The following UGT1A9 variants were observed in gnomAD, a reference collection of about 807,000 sequenced individuals.
The protein encoded by UGT1A9 is UDP glucuronosyltransferase family 1 member A9.
Under a neutral mutation model 45.0 loss-of-function variants are expected in UGT1A9, and 35 were observed. The observed-to-expected ratio is 0.78, with a 90% confidence interval of 0.59 to 1.03. UGT1A9 has a LOEUF of 1.03. UGT1A9 is among the 50% of genes least tolerant of loss of function. UGT1A9 has a pLI of 0.00. For missense variants in UGT1A9, 687 were observed against 666.6 expected (o/e 1.03, Z -0.34); for synonymous variants, 278 against 250.6 (o/e 1.11, Z -1.03).
At chr2:233,764,025 G>T (rs1387179659) in intron 1 of UGT1A9, among the ~76,000 whole-genome samples, 1 of 152,188 alleles carries the variant, frequency 6.6e-6, no homozygotes, top group Non-Finnish European at 1.5e-5. Flanking sequence ...TGGTGTCTAA[G>T]TGCTAAAGAA....
At chr2:233,693,132 A>T in intron 1 of UGT1A9, 1 of 1,614,182 alleles carries the variant, frequency 6.2e-7, no homozygotes, top group Non-Finnish European at 8.5e-7. Flanking sequence ...CTTAGTATGA[A>T]GGATATAGTT....
chr2:233,747,506 A>G, intron 1 of UGT1A9: 1 of 1,608,324 alleles, frequency 6.2e-7, no homozygotes, highest in Non-Finnish European at 8.5e-7. Flanking sequence ...GCCACACTCA[A>G]CTGTACTTTG....
chr2:233,707,201 CCTTTCCAT>C (rs2075948613), intron 1 of UGT1A9, among the ~76,000 whole-genome samples: 1 of 152,062 alleles, frequency 6.6e-6, no homozygotes, highest in South Asian at 2.1e-4. Flanking sequence ...CGTTCTATTC[CCTTTCCAT>C]CTTTTCTCTG....
chr2:233,676,664 T>A (rs2074367608), intron 1 of UGT1A9, among the ~76,000 whole-genome samples: 1 of 152,204 alleles, frequency 6.6e-6, no homozygotes, highest in African/African-American at 2.4e-5. Flanking sequence ...TTGGGCAGTT[T>A]CGAGCAGTCC....
At chr2:233,679,746 C>G (rs569652766) in intron 1 of UGT1A9, among the ~76,000 whole-genome samples, 1 of 152,186 alleles carries the variant, frequency 6.6e-6, no homozygotes, top group East Asian at 1.9e-4. Context: ...GTAAAACTAG[C>G]AAACCATCCT....
intron 1 of UGT1A9, chr2:233,729,486 G>A: frequency 6.2e-7 from 1 of 1,614,202 alleles, no homozygotes; most frequent in South Asian, 1.1e-5. Flanking sequence ...TGAACAATAT[G>A]TCTTTGGTCT....
chr2:233,746,760 G>A (rs1693469059), intron 1 of UGT1A9, among the ~76,000 whole-genome samples: 1 of 151,816 alleles, frequency 6.6e-6, no homozygotes, highest in South Asian at 2.1e-4. Context: ...AGATTAATTG[G>A]ATTGCTTAGT....
At chr2:233,718,658 G>A (rs3732218) in intron 1 of UGT1A9, 145,084 of 1,529,416 alleles carry the variant, frequency 0.095, 7,812 homozygotes, top group South Asian at 0.19. Flanking sequence ...ACGAAAGGCA[G>A]TTATAGATTA....
chr2:233,757,314 T>A (rs1406248640), intron 1 of UGT1A9, among the ~76,000 whole-genome samples: 1 of 20,476 alleles, frequency 4.9e-5, no homozygotes, highest in Non-Finnish European at 9.0e-5. Flanking sequence ...ACAGGGGGGC[T>A]GGGGCCCTGA....
intron 1 of UGT1A9, chr2:233,717,648 A>G (rs1403190472): frequency 5.0e-6 from 2 of 403,070 alleles, no homozygotes; most frequent in Non-Finnish European, 1.0e-5. Flanking sequence ...GGCGACCAGG[A>G]CAAGGAAGCA....
intron 1 of UGT1A9, among the ~76,000 whole-genome samples, chr2:233,727,126 AG>A (rs2077585315): frequency 1.3e-5 from 2 of 152,202 alleles, no homozygotes; most frequent in Non-Finnish European, 2.9e-5. Flanking sequence ...AGATTGGCAG[AG>A]GGGAACAAGA....
At chr2:233,751,615 T>C (rs531404071) in intron 1 of UGT1A9, among the ~76,000 whole-genome samples, 1 of 152,176 alleles carries the variant, frequency 6.6e-6, no homozygotes, top group Non-Finnish European at 1.5e-5. Flanking sequence ...TGGGAGGTGA[T>C]TGGATCATGT....
At chr2:233,757,710 G>A (rs942741461) in intron 1 of UGT1A9, among the ~76,000 whole-genome samples, 2 of 151,554 alleles carry the variant, frequency 1.3e-5, no homozygotes, top group Admixed American at 6.6e-5. Flanking sequence ...TTTGCTTCCC[G>A]GGAGGGTCCT....
chr2:233,683,676 C>T (rs45486299), intron 1 of UGT1A9, among the ~76,000 whole-genome samples: 4 of 152,170 alleles, frequency 2.6e-5, no homozygotes, highest in South Asian at 2.1e-4. Flanking sequence ...TCTTATTAAC[C>T]TTTATTCCTC....
intron 3 of UGT1A9, 51 bp from the exon 4 acceptor site, chr2:233,768,169 T>G: frequency 1.9e-6 from 3 of 1,613,804 alleles, no homozygotes; most frequent in Non-Finnish European, 2.5e-6. Context: ...TGTGTCCAGC[T>G]GTGAAACTCA....
chr2:233,682,243 G>A (rs200147039), intron 1 of UGT1A9: 3 of 1,614,068 alleles, frequency 1.9e-6, no homozygotes, highest in Non-Finnish European at 2.5e-6. Context: ...CGGCACCATT[G>A]CGAAGTGCAT....
chr2:233,735,194 G>A (rs1453877809), intron 1 of UGT1A9, among the ~76,000 whole-genome samples: 1 of 152,090 alleles, frequency 6.6e-6, no homozygotes, highest in Admixed American at 6.5e-5. Flanking sequence ...GAATCTAGGT[G>A]CTCCTGTATT....
chr2:233,713,457 C>T, intron 1 of UGT1A9: 1 of 1,614,142 alleles, frequency 6.2e-7, no homozygotes, highest in Non-Finnish European at 8.5e-7. Context: ...CCCCTTTCAC[C>T]TCTGCGCGGC....
chr2:233,674,533 G>T (rs1256226097), intron 1 of UGT1A9, among the ~76,000 whole-genome samples: 1 of 152,012 alleles, frequency 6.6e-6, no homozygotes, highest in Admixed American at 6.6e-5. Context: ...TCACCCAGAG[G>T]CCTTTAGAGA....
Sources: gnomAD v4.1 joint callset for allele counts (sites outside exome capture counted in the v4.1 genomes callset) on GRCh38, gnomAD v4.1.1 for gene constraint, MANE v1.5 for transcripts, NCBI Gene and HGNC (gene_info 2026-07-23, HGNC 2026-07-21) for gene names.